The following ZNF469 variants were observed in gnomAD, a reference collection of about 807,000 sequenced individuals.
ZNF469 encodes the protein zinc finger protein 469.
In ZNF469, 1 loss-of-function variant was observed where a neutral mutation model predicts 1.0. That is an observed-to-expected ratio of 1.00 (90% CI 0.35 to 4.73). The LOEUF (loss-of-function observed/expected upper bound fraction) is 4.73. ZNF469 is among the 30% of genes most tolerant of loss of function. ZNF469 has a pLI of 0.16. For missense variants in ZNF469, 6,100 were observed against 5,356.3 expected (o/e 1.14, Z -4.33); for synonymous variants, 2,703 against 2,363.4 (o/e 1.14, Z -4.17).
the ZNF469 span, among the ~76,000 whole-genome samples, chr16:88,292,211 G>C: frequency 6.6e-6 from 1 of 152,196 alleles, no homozygotes; most frequent in Non-Finnish European, 1.5e-5. Flanking sequence ...GCATAGCACT[G>C]AGCTGCCTGG....
At chr16:88,402,873 C>G (rs919587233) in intron 1 of ZNF469, among the ~76,000 whole-genome samples, 5 of 152,178 alleles carry the variant, frequency 3.3e-5, no homozygotes, top group Admixed American at 3.3e-4. Context: ...GGCCCAGGGT[C>G]ACTCCACCAG....
At chr16:88,396,531 A>G (rs1904667592) in intron 1 of ZNF469, among the ~76,000 whole-genome samples, 1 of 150,282 alleles carries the variant, frequency 6.7e-6, no homozygotes, top group Non-Finnish European at 1.5e-5. Flanking sequence ...ACCCGTCTGA[A>G]GGGAGGCCGG....
At chr16:88,244,340 A>G in the ZNF469 span, among the ~76,000 whole-genome samples, 1 of 121,232 alleles carries the variant, frequency 8.2e-6, no homozygotes. Flanking sequence ...TGAGTGGGTT[A>G]GTGGATGGGT....
At chr16:88,224,741 A>G in the ZNF469 span, among the ~76,000 whole-genome samples, 1 of 151,720 alleles carries the variant, frequency 6.6e-6, no homozygotes, top group African/African-American at 2.4e-5. Flanking sequence ...AAGTACGTAC[A>G]TATGTAAGTG....
the ZNF469 span, among the ~76,000 whole-genome samples, chr16:88,243,260 G>C: frequency 1.3e-5 from 2 of 152,230 alleles, no homozygotes; most frequent in African/African-American, 4.8e-5. Context: ...TGACAGATCC[G>C]TTCACAGCCT....
In ZNF469 at chr16:88,437,116, G is replaced by A. The variant is rs754615656; in HGVS notation, c.9646G>A (p.Gly3216Arg). 5.2e-6 allele frequency: 8 copies of A among 1,547,802 alleles called. No individual in the cohort carries two copies. The highest frequency in any genetic ancestry group is 2.7e-5 in the African/African-American group (2 of 73,026). Residue 3216 changes from glycine to arginine, a missense_variant, in exon 3 of 3, where the codon GGA becomes AGA. Physicochemically the swap from Gly to Arg is moderately radical, Grantham distance 125. Coordinates refer to ENST00000565624, the MANE Select transcript of ZNF469 (RefSeq NM_001367624.2). ...QARRSLGDLP[G>R]GLEGSSAVAH... ...GCGGAGGTCCTTGGGGGACCTGCCC[G>A]GAGGCCTGGAGGGCAGCAGCGCTGT...
chr16:88,225,671 G>T, the ZNF469 span, among the ~76,000 whole-genome samples: 1 of 152,142 alleles, frequency 6.6e-6, no homozygotes, highest in Non-Finnish European at 1.5e-5. Context: ...GTGTGGCCTC[G>T]TGGGTGGGAT....
Position 88,435,173 on chromosome 16 carries a change from C to G in ZNF469, c.7703C>G (p.Pro2568Arg). 6.5e-7 allele frequency: 1 copy of G among 1,550,386 alleles called. No individual in the cohort carries two copies. Among genetic ancestry groups the G allele is most frequent in the South Asian group, 1.2e-5 (1 of 84,064 alleles). The change falls in exon 3 of 3, where the codon CCA becomes CGA. Residue 2568 changes from proline (P) to arginine (R), a missense_variant. Pro to Arg is a moderately radical substitution (Grantham distance 103, BLOSUM62 -2). Transcript: ENST00000565624. ...SKEVLRAPGS[P>R]HSQQLHPPSP... ...GAGGTTCTCAGAGCACCGGGGTCCCCACACAGCCAGCAGCTGCACCCTCCA... is the reference window on the plus strand; with the variant it reads ...GAGGTTCTCAGAGCACCGGGGTCCCGACACAGCCAGCAGCTGCACCCTCCA...
the ZNF469 span, among the ~76,000 whole-genome samples, chr16:88,299,218 A>AGGGCTTCCTGGAGGAGGCAGCTTGCGGC: frequency 8.9e-6 from 1 of 112,036 alleles, no homozygotes; most frequent in Admixed American, 9.3e-5. Flanking sequence ...TGGGGTGGGG[A>AGGGCTTCCTGGAGGAGGCAGCTTGCGGC]GGGCTTCCTG....
At chr16:88,410,124 G>C (rs1905110588) in intron 1 of ZNF469, among the ~76,000 whole-genome samples, 1 of 152,222 alleles carries the variant, frequency 6.6e-6, no homozygotes, top group African/African-American at 2.4e-5. Context: ...TAACTTAGCA[G>C]ATCAGGGAAG....
chr16:88,383,499 G>T (rs1263214839), intron 1 of ZNF469, among the ~76,000 whole-genome samples: 1 of 149,354 alleles, frequency 6.7e-6, no homozygotes, highest in Non-Finnish European at 1.5e-5. Context: ...GGCGGGGGCC[G>T]CAGCCTTGCC....
the ZNF469 span, among the ~76,000 whole-genome samples, chr16:88,109,431 T>G: frequency 1.3e-5 from 2 of 152,370 alleles, no homozygotes. Flanking sequence ...CCCGGCAGCC[T>G]CCGATGTCAC....
chr16:88,266,109 C>T, the ZNF469 span, among the ~76,000 whole-genome samples: 4 of 152,356 alleles, frequency 2.6e-5, no homozygotes, highest in African/African-American at 7.2e-5. Context: ...CTGTGCCCTC[C>T]GACAGACACG....
At chr16:88,261,190 T>C in the ZNF469 span, among the ~76,000 whole-genome samples, 1 of 152,194 alleles carries the variant, frequency 6.6e-6, no homozygotes, top group African/African-American at 2.4e-5. This position sits in a 1 kb window ranked among gnomAD's most constrained non-coding sequence, Gnocchi z 6.0. Flanking sequence ...CCTCAGCTGC[T>C]GATGCGGGTG....
the ZNF469 span, among the ~76,000 whole-genome samples, chr16:88,279,203 A>C: frequency 7.8e-6 from 1 of 128,628 alleles, no homozygotes; most frequent in African/African-American, 2.7e-5. Flanking sequence ...CCACGCTGAC[A>C]CTCGGTCAGT....
chr16:88,426,121 G>T (rs529814115), intron 2 of ZNF469, among the ~76,000 whole-genome samples: 18 of 152,230 alleles, frequency 1.2e-4, no homozygotes, highest in Non-Finnish European at 2.6e-4. Flanking sequence ...CGGTGGGAGG[G>T]TCCTGTGACC....
chr16:88,223,091 C>T, the ZNF469 span, among the ~76,000 whole-genome samples: 3 of 152,346 alleles, frequency 2.0e-5, no homozygotes, highest in South Asian at 6.2e-4. Flanking sequence ...GAACTGGAAA[C>T]AACCCAGGTG....
In ZNF469 at chr16:88,433,046, C is replaced by T. The variant is rs575524015; in HGVS notation, c.5576C>T (p.Pro1859Leu). 322 of 1,550,374 alleles carry T rather than the reference C, an allele frequency of 2.1e-4. 2 individuals carry two copies. In the African/African-American group the frequency reaches 3.9e-3, roughly 19 times the overall value. The change falls in exon 3 of 3, where the codon CCG (proline) becomes CTG (leucine). Residue 1859 changes from proline (P) to leucine (L), a missense_variant. By Grantham distance (98) the Pro-to-Leu change is moderately conservative (BLOSUM62 -3). Coordinates refer to ENST00000565624, the MANE Select transcript of ZNF469 (RefSeq NM_001367624.2). ...GGCTTTGAGGGTAATGAGTTTGCACCGGCGGGGGCCTCCTCACTGACTGCC... is the reference window on the plus strand; with the variant it reads ...GGCTTTGAGGGTAATGAGTTTGCACTGGCGGGGGCCTCCTCACTGACTGCC... ...RPGFEGNEFA[P>L]AGASSLTAPR...
chr16:88,240,481 C>T, the ZNF469 span, among the ~76,000 whole-genome samples: 10 of 152,112 alleles, frequency 6.6e-5, no homozygotes, highest in Non-Finnish European at 1.2e-4. Context: ...GCATGCTGAC[C>T]GCCTGGCCTC....
Sources: gnomAD v4.1 joint callset for allele counts (sites outside exome capture counted in the v4.1 genomes callset) on GRCh38, gnomAD v4.1.1 for gene constraint, Gnocchi (gnomAD v3.1) non-coding constraint, MANE v1.5 for transcripts, NCBI Gene and HGNC (gene_info 2026-07-23, HGNC 2026-07-21) for gene names.